Variants in PALD1 observed in about 807,000 individuals in gnomAD.
The protein encoded by PALD1 is paladin.
In PALD1, 57 loss-of-function variants were observed where a neutral mutation model predicts 96.0. The ratio of observed to expected loss-of-function variants is 0.59; its 90% CI spans 0.48 to 0.74. The LOEUF (loss-of-function observed/expected upper bound fraction) is 0.74. Ranked by LOEUF, PALD1 falls within the 30% of genes least tolerant of loss-of-function variation. The pLI is 0.00. For missense variants in PALD1, 1,063 were observed against 1,143.7 expected, an observed-to-expected ratio of 0.93 and a Z score of 1.02; for synonymous variants, 464 against 473.6, an observed-to-expected ratio of 0.98 and a Z score of 0.26.
chr10:70,481,072 T>C (rs530178138), intron 1 of PALD1, among the ~76,000 whole-genome samples: 1 of 152,182 alleles, frequency 6.6e-6, no homozygotes, highest in East Asian at 1.9e-4. Flanking sequence ...GAGGCAGACA[T>C]GTAAGTGGAC....
chr10:70,532,629 CTT>C lies in PALD1; in HGVS notation c.644_645del (p.Phe215CysfsTer13). The C allele has an allele frequency of 6.2e-7, 1 of 1,614,058 alleles. No homozygotes were observed. Among genetic ancestry groups the C allele is most frequent in the South Asian group, 1.1e-5 (1 of 91,058 alleles). ...ELAIRKEIHD[F>X]AQLSENTYHV... ...CCCACACCTCCCTCTAGATCCACGA[CTT>C]TGCCCAGCTGAGCGAGAACACATAC... On this transcript the variant is annotated frameshift_variant, in exon 6 of 20. Transcript: ENST00000263563. LOFTEE classifies it high-confidence loss of function.
intron 1 of PALD1, among the ~76,000 whole-genome samples, chr10:70,481,391 A>G (rs899939025): frequency 1.3e-5 from 2 of 151,942 alleles, no homozygotes; most frequent in Non-Finnish European, 2.9e-5. Context: ...TCTGTGGTGG[A>G]GCTTATTTCT....
chr10:70,534,453 C>T lies in PALD1; in HGVS notation c.1051C>T (p.Pro351Ser). The change falls in exon 9 of 20, where the codon CCT becomes TCT. Residue 351 changes from proline (P) to serine (S), a missense_variant. Pro to Ser is a moderately conservative substitution (Grantham distance 74). Transcript: ENST00000263563. ...EAAPTQAKPL[P>S]MEQFQVIQSF... ...TGCCCCCACGCAGGCCAAGCCCCTG[C>T]CTATGGAGCAGTTCCAGGTGATCCA... The T allele has an allele frequency of 6.2e-7, 1 of 1,612,238 alleles. No individual in the cohort carries two copies. Among genetic ancestry groups the T allele is most frequent in the Non-Finnish European group, 8.5e-7 (1 of 1,179,238 alleles).
intron 1 of PALD1, among the ~76,000 whole-genome samples, chr10:70,490,805 C>A (rs2132270332): frequency 6.6e-6 from 1 of 152,224 alleles, no homozygotes; most frequent in East Asian, 1.9e-4. Flanking sequence ...GGTAATCAGA[C>A]CTCACATTTA....
chr10:70,537,689 T>C, intron 10 of PALD1, 122 bp from the exon 11 acceptor site: 2 of 666,342 alleles, frequency 3.0e-6, no homozygotes, highest in African/African-American at 1.8e-5. Flanking sequence ...AACTGTGTCA[T>C]GAAGGGAGGG....
chr10:70,514,329 A>G (rs926965286), intron 1 of PALD1, among the ~76,000 whole-genome samples: 1 of 152,234 alleles, frequency 6.6e-6, no homozygotes, highest in African/African-American at 2.4e-5. Flanking sequence ...AAAGGACTGC[A>G]TTTCCACACG....
the PALD1 span, among the ~76,000 whole-genome samples, chr10:70,469,448 C>G: frequency 6.6e-6 from 1 of 152,164 alleles, no homozygotes; most frequent in Non-Finnish European, 1.5e-5. Context: ...TCTGGAGGGG[C>G]CTTCCAAGCC....
At chr10:70,551,356 G>A (rs1392842903) in intron 18 of PALD1, among the ~76,000 whole-genome samples, 1 of 152,308 alleles carries the variant, frequency 6.6e-6, no homozygotes, top group Non-Finnish European at 1.5e-5. Flanking sequence ...TCAGAGCCGG[G>A]TGCTGTCCAT....
intron 18 of PALD1, among the ~76,000 whole-genome samples, chr10:70,560,416 A>G (rs912844696): frequency 1.3e-5 from 2 of 148,704 alleles, no homozygotes; most frequent in African/African-American, 5.0e-5. Flanking sequence ...AGGGTTAACT[A>G]AGCATGTGCT....
chr10:70,538,262 C>T lies in PALD1; in HGVS notation c.1324-18C>T. ...CCCTGTGCCCCTGAATTCCTCGTCT[C>T]TCTGCCTCGGGCTGCAGTACCCGCT... is the stretch of plus-strand genomic sequence containing the variant. On this transcript the variant is annotated intron_variant, in intron 11 of 19. Transcript: ENST00000263563. 6.3e-7 allele frequency: 1 copy of T among 1,599,898 alleles called. No homozygotes were observed. Among genetic ancestry groups the T allele is most frequent in the Non-Finnish European group, 8.5e-7 (1 of 1,179,832 alleles).
At chr10:70,565,654 G>T (rs1288294959) in intron 19 of PALD1, among the ~76,000 whole-genome samples, 1 of 152,134 alleles carries the variant, frequency 6.6e-6, no homozygotes, top group African/African-American at 2.4e-5. Context: ...AGGTGGAGAA[G>T]CATTTGAAAT....
chr10:70,474,212 G>A (rs1369624499), upstream of PALD1, among the ~76,000 whole-genome samples: 6 of 152,138 alleles, frequency 3.9e-5, no homozygotes, highest in South Asian at 2.1e-4. Flanking sequence ...TGGAGGTCAC[G>A]GGCAAAATCA....
intron 18 of PALD1, among the ~76,000 whole-genome samples, chr10:70,563,098 G>T (rs1261447901): frequency 6.6e-6 from 1 of 152,164 alleles, no homozygotes; most frequent in Non-Finnish European, 1.5e-5. Flanking sequence ...ACCCTGCTGA[G>T]ATTCTCATTG....
At chr10:70,505,139 AT>A (rs1453582735) in intron 1 of PALD1, among the ~76,000 whole-genome samples, 7 of 152,210 alleles carry the variant, frequency 4.6e-5, no homozygotes, top group Non-Finnish European at 1.0e-4. Context: ...TATCAGAAAA[AT>A]CTTTCTGTTT....
intron 18 of PALD1, among the ~76,000 whole-genome samples, chr10:70,562,495 A>G (rs1207963261): frequency 6.6e-6 from 1 of 152,186 alleles, no homozygotes; most frequent in Non-Finnish European, 1.5e-5. Flanking sequence ...GAGGAGATGC[A>G]TGTAGGCTGA....
chr10:70,473,331 ATC>A, the PALD1 span, among the ~76,000 whole-genome samples: 1 of 152,138 alleles, frequency 6.6e-6, no homozygotes, highest in Non-Finnish European at 1.5e-5. Context: ...GGTCTTATTC[ATC>A]TCTGTGTCCT....
intron 1 of PALD1, among the ~76,000 whole-genome samples, chr10:70,491,456 CT>C (rs1209701464): frequency 6.6e-6 from 1 of 151,878 alleles, no homozygotes; most frequent in Non-Finnish European, 1.5e-5. Context: ...TTTCTTTGTG[CT>C]GTGTGTGATG....
chr10:70,498,457 AT>A lies in PALD1; in HGVS notation c.-30+19404del, dbSNP rs538778739. On this transcript the variant is annotated intron_variant, in intron 1 of 19. Transcript: ENST00000263563. The stretch of plus-strand genomic sequence containing the variant: ...CCACACCTGGCTAATCTTTAAAATT[AT>A]TTTTTATCGAGGTGAGATCTTGTGT... 1.1e-4 allele frequency among the ~76,000 whole-genome samples: 16 copies of A among 151,892 alleles called. No homozygotes were observed. In the East Asian group the frequency reaches 3.1e-3, roughly 29 times the overall value.
chr10:70,477,395 T>C (rs895998866), upstream of PALD1, among the ~76,000 whole-genome samples: 7 of 152,232 alleles, frequency 4.6e-5, no homozygotes, highest in Non-Finnish European at 4.4e-5. Context: ...GCCAGTAAAT[T>C]GTGAGCCACT....
Sources: allele counts gnomAD v4.1 joint callset (sites outside exome capture counted in the v4.1 genomes callset), GRCh38; gene constraint gnomAD v4.1.1; transcripts MANE v1.5; gene names NCBI Gene and HGNC (gene_info 2026-07-23, HGNC 2026-07-21).